Variants in THSD4 observed in about 807,000 individuals in gnomAD.
THSD4 encodes thrombospondin type-1 domain-containing protein 4.
In THSD4, 69 loss-of-function variants were observed where a neutral mutation model predicts 119.0. The observed-to-expected ratio is 0.58, with a 90% confidence interval of 0.48 to 0.71. The LOEUF is 0.71. Among genes scored for constraint, THSD4 ranks in the 30% least tolerant of loss-of-function variants. The pLI is 0.00. For missense variants in THSD4, 1,393 were observed against 1,391.1 expected, an observed-to-expected ratio of 1.00 and a Z score of -0.02; for synonymous variants, 524 against 540.4, an observed-to-expected ratio of 0.97 and a Z score of 0.42.
chr15:71,211,079 C>T (rs1382444725), intron 3 of THSD4, among the ~76,000 whole-genome samples: 1 of 152,076 alleles, frequency 6.6e-6, no homozygotes, highest in African/African-American at 2.4e-5. Context: ...CAAGAAGTTG[C>T]CCAAATTTAG....
chr15:71,690,190 G>A (rs2052016537), intron 8 of THSD4, among the ~76,000 whole-genome samples: 2 of 152,192 alleles, frequency 1.3e-5, no homozygotes, highest in African/African-American at 4.8e-5. Flanking sequence ...GTTGTATTGA[G>A]GTTTTGTGAT....
At chr15:71,635,409 T>C (rs772878085) in intron 7 of THSD4, among the ~76,000 whole-genome samples, 13 of 152,058 alleles carry the variant, frequency 8.5e-5, no homozygotes, top group Non-Finnish European at 1.9e-4. Context: ...TGAGGCACCC[T>C]GGAAAATGAA....
intron 7 of THSD4, among the ~76,000 whole-genome samples, chr15:71,435,294 T>C (rs2046998039): frequency 6.6e-6 from 1 of 152,206 alleles, no homozygotes; most frequent in African/African-American, 2.4e-5. Context: ...GTGTCTTTTT[T>C]GCAAATTCCT....
chr15:71,674,045 G>A (rs2051588929), intron 8 of THSD4, among the ~76,000 whole-genome samples: 1 of 152,228 alleles, frequency 6.6e-6, no homozygotes, highest in Admixed American at 6.5e-5. Context: ...AACAAAAAGA[G>A]AAAGAAAAGT....
chr15:71,553,210 T>G (rs763675883), intron 7 of THSD4, among the ~76,000 whole-genome samples: 6 of 152,214 alleles, frequency 3.9e-5, no homozygotes, highest in Non-Finnish European at 7.3e-5. Context: ...TTTTTCCTTC[T>G]TTTCTGATAC....
At chr15:71,280,357 C>T (rs28578627) in intron 6 of THSD4, among the ~76,000 whole-genome samples, 17,061 of 152,054 alleles carry the variant, frequency 0.11, 1,527 homozygotes, top group African/African-American at 0.25. Context: ...GGTTTGTAAG[C>T]AGGAGAGTAG....
At chr15:71,244,512 T>G (rs1350034085) in intron 5 of THSD4, among the ~76,000 whole-genome samples, 1 of 152,244 alleles carries the variant, frequency 6.6e-6, no homozygotes, top group Non-Finnish European at 1.5e-5. Context: ...GCTTTTTAGC[T>G]TATTCTTCCA....
chr15:71,536,886 C>CTAT (rs573792441), intron 7 of THSD4, among the ~76,000 whole-genome samples: 3 of 152,138 alleles, frequency 2.0e-5, no homozygotes, highest in South Asian at 4.1e-4. Context: ...GTGGAAAAGA[C>CTAT]TATTCTTCCC....
At chr15:71,164,641 A>T (rs1253098833) in intron 3 of THSD4, 2 of 1,422,372 alleles carry the variant, frequency 1.4e-6, no homozygotes, top group African/African-American at 2.9e-5. Flanking sequence ...ACAAAAAAAG[A>T]CACTGTACAG....
chr15:71,453,070 G>A (rs574574934), intron 7 of THSD4, among the ~76,000 whole-genome samples: 15 of 152,332 alleles, frequency 9.8e-5, no homozygotes, highest in African/African-American at 3.6e-4. Context: ...GTGGCTATCT[G>A]CAAGCCAGAA....
chr15:71,602,392 A>G (rs2050027307), intron 7 of THSD4, among the ~76,000 whole-genome samples: 1 of 151,730 alleles, frequency 6.6e-6, no homozygotes, highest in South Asian at 2.1e-4. Flanking sequence ...CGTCTCTACT[A>G]AAAATACAAA....
chr15:71,398,574 A>G (rs906339244), intron 6 of THSD4, among the ~76,000 whole-genome samples: 6 of 152,132 alleles, frequency 3.9e-5, no homozygotes, highest in African/African-American at 1.4e-4. Flanking sequence ...AGAGCCAATA[A>G]TAGGGATTGA....
At chr15:71,113,285 A>G (rs1458458580), upstream of THSD4, among the ~76,000 whole-genome samples, 1 of 152,254 alleles carries the variant, frequency 6.6e-6, no homozygotes, top group Non-Finnish European at 1.5e-5. Flanking sequence ...CAATTTGACC[A>G]AGGTTGAAAA....
chr15:71,389,466 T>C (rs928379027), intron 6 of THSD4, among the ~76,000 whole-genome samples: 107 of 32,932 alleles, frequency 3.2e-3, no homozygotes, highest in African/African-American at 7.4e-3. Context: ...GAATTTCCTC[T>C]TTTTTTTTTT....
intron 7 of THSD4, among the ~76,000 whole-genome samples, chr15:71,605,576 A>C (rs2050093441): frequency 6.6e-6 from 1 of 152,250 alleles, no homozygotes; most frequent in Non-Finnish European, 1.5e-5. Context: ...GATAACAGCA[A>C]ACCTTCAGCC....
rs71154789 is a variant in THSD4, at chr15:71,584,262, C to CTTTTTTTTTTTT, written c.1153-76256_1153-76245dup. Reference sequence around the variant, plus strand: ...TCACGTGGATTTTTTTTTTCACTTTCTTTTTTTTTTTTTTTTTTTTTTTGA... The same window carrying CTTTTTTTTTTTT: ...TCACGTGGATTTTTTTTTTCACTTTCTTTTTTTTTTTTTTTTTTTTTTTTTTTTTTTTTTTGA... On this transcript the variant is annotated intron_variant, in intron 7 of 17. Transcript: ENST00000261862. Among the ~76,000 whole-genome samples, 111 of 61,802 alleles carry CTTTTTTTTTTTT rather than the reference C, an allele frequency of 1.8e-3. 12 individuals carry two copies. The highest frequency in any genetic ancestry group is 3.3e-3 in the South Asian group (5 of 1,534). The allele number at this position is 61,802 out of a possible 152,430, so 40.5% of individuals were successfully genotyped here. A position where few individuals can be genotyped will look rare whatever the true frequency, so the allele number is the denominator to read the frequency against.
chr15:71,334,025 C>T (rs540283922), intron 6 of THSD4, among the ~76,000 whole-genome samples: 2 of 152,256 alleles, frequency 1.3e-5, no homozygotes, highest in East Asian at 3.9e-4. Context: ...TGCCTCCCAG[C>T]CTGTTGTTTT....
intron 7 of THSD4, among the ~76,000 whole-genome samples, chr15:71,438,305 CT>C (rs906482197): frequency 7.0e-6 from 1 of 143,196 alleles, no homozygotes; most frequent in African/African-American, 2.5e-5. Flanking sequence ...TTTTTTTTAA[CT>C]TATGCCTTTG....
chr15:71,161,319 G>C (rs1194984121), intron 3 of THSD4, among the ~76,000 whole-genome samples: 1 of 151,960 alleles, frequency 6.6e-6, no homozygotes, highest in Non-Finnish European at 1.5e-5. Context: ...GTCTGTCTAG[G>C]TGATCTGTCT....
Sources: gnomAD v4.1 joint callset for allele counts (sites outside exome capture counted in the v4.1 genomes callset) on GRCh38, gnomAD v4.1.1 for gene constraint, MANE v1.5 for transcripts, NCBI Gene and HGNC (gene_info 2026-07-23, HGNC 2026-07-21) for gene names.